SLC16A1: variants seen among roughly 807,000 people sequenced by gnomAD.
SLC16A1 encodes solute carrier family 16 member 1.
In SLC16A1, 11 loss-of-function variants were observed where a neutral mutation model predicts 32.2. The observed-to-expected ratio is 0.34, with a 90% CI of 0.21 to 0.56. The LOEUF is 0.56. Ranked by LOEUF, SLC16A1 falls within the 20% of genes least tolerant of loss-of-function variation. The probability of loss-of-function intolerance (pLI) is 0.87; values close to 1 mark genes in which losing one functional copy is unlikely to be tolerated. For synonymous variants in SLC16A1, 231 were observed against 226.8 expected (o/e 1.02, Z -0.17); for missense variants, 435 against 615.0 (o/e 0.71, Z 3.10).
intron 1 of SLC16A1, among the ~76,000 whole-genome samples, chr1:112,953,256 G>A (rs1297047670): frequency 6.6e-6 from 1 of 150,644 alleles, no homozygotes; most frequent in South Asian, 2.1e-4. Flanking sequence ...CCACCTCCTG[G>A]GTTCAAGCTG....
Position 112,914,097 on chromosome 1 carries a change from A to C in SLC16A1, c.1297T>G (p.Ser433Ala), listed in dbSNP as rs2101618203. 1.2e-6 allele frequency: 2 copies of C among 1,614,230 alleles called. No individual in the cohort carries two copies. The highest frequency in any genetic ancestry group is 4.5e-5 in the East Asian group (2 of 44,886). ...YWACGVVLII[S>A]GIYLFIGMGI... The stretch of plus-strand genomic sequence containing the variant: ...ATGCCAATGAAGAGATAGATACCTG[A>C]AATAATTAGGACGACGCCACATGCC... The change falls in exon 5 of 5, where the codon TCA (serine) becomes GCA (alanine). Residue 433 changes from serine (S) to alanine (A), a missense_variant. Around this residue, in one of 2 missense-constraint regions of SLC16A1, gnomAD observed 111 missense variants for 114.7 expected, o/e 0.97. Transcript: ENST00000369626.
At chr1:112,923,033 C>T (rs1352914181) in intron 2 of SLC16A1, among the ~76,000 whole-genome samples, 1 of 151,910 alleles carries the variant, frequency 6.6e-6, no homozygotes, top group Non-Finnish European at 1.5e-5. Flanking sequence ...GCCTCAGCCT[C>T]CTGAAAGACA....
intron 1 of SLC16A1, among the ~76,000 whole-genome samples, chr1:112,930,613 T>C (rs1649094340): frequency 6.6e-6 from 1 of 151,992 alleles, no homozygotes; most frequent in Non-Finnish European, 1.5e-5. Context: ...TCCCTTTCAA[T>C]AAATCAGTTA....
At chr1:112,955,722 T>A (rs570409110) in intron 1 of SLC16A1, 1 of 152,216 alleles carries the variant, frequency 6.6e-6, no homozygotes, top group Non-Finnish European at 1.5e-5. Context: ...ATTGAAGACT[T>A]AGGGGGGAAG....
At chr1:112,949,663 C>G (rs745872801) in intron 1 of SLC16A1, among the ~76,000 whole-genome samples, 1 of 151,856 alleles carries the variant, frequency 6.6e-6, no homozygotes, top group Non-Finnish European at 1.5e-5. Context: ...CTTATGGAAC[C>G]CTTGTCAGAA....
chr1:112,952,068 C>T (rs560757751), intron 1 of SLC16A1, among the ~76,000 whole-genome samples: 3 of 152,276 alleles, frequency 2.0e-5, no homozygotes, highest in East Asian at 3.9e-4. Context: ...GTCCTCTCCC[C>T]CAACACTCCC....
chr1:112,945,816 A>G (rs1041675394), intron 1 of SLC16A1, among the ~76,000 whole-genome samples: 1 of 151,572 alleles, frequency 6.6e-6, no homozygotes, highest in Non-Finnish European at 1.5e-5. Flanking sequence ...AACATGGAGA[A>G]ACCCCATCTC....
At chr1:112,946,890 C>G (rs1253240406) in intron 1 of SLC16A1, among the ~76,000 whole-genome samples, 2 of 152,140 alleles carry the variant, frequency 1.3e-5, no homozygotes. Context: ...ATCTTGTTTT[C>G]TGAGCTATTA....
chr1:112,921,515 T>A (rs951907674), intron 3 of SLC16A1, among the ~76,000 whole-genome samples: 2 of 151,648 alleles, frequency 1.3e-5, no homozygotes, highest in African/African-American at 4.9e-5. Context: ...TGGAAGGATA[T>A]ACATAGAAAT....
chr1:112,913,903 TTCC>T lies in SLC16A1; in HGVS notation c.1488_1490del (p.Glu497del). 1 of 1,614,140 alleles carries T rather than the reference TTCC, an allele frequency of 6.2e-7. No individual in the cohort carries two copies. Among genetic ancestry groups the T allele is most frequent in the Non-Finnish European group, 8.5e-7 (1 of 1,180,000 alleles). On this transcript the variant is annotated inframe_deletion, in exon 5 of 5. Coordinates refer to ENST00000369626, the MANE Select transcript of SLC16A1 (RefSeq NM_003051.4). ...CAGCCCCATGGATTCAGACTGGACT[TTCC>T]TCCTCCTTGGGCCCTCCATCTGTGT...
At chr1:112,952,437 G>A (rs895919027) in intron 1 of SLC16A1, among the ~76,000 whole-genome samples, 2 of 152,126 alleles carry the variant, frequency 1.3e-5, no homozygotes, top group Admixed American at 1.3e-4. Flanking sequence ...AATGTAATAT[G>A]TTACCTTGTT....
chr1:112,923,420 A>G (rs2101627760), intron 2 of SLC16A1: 4 of 664,788 alleles, frequency 6.0e-6, no homozygotes, highest in South Asian at 4.8e-5. Flanking sequence ...TGTTGCCGCC[A>G]TCATGTCCCG....
intron 3 of SLC16A1, 56 bp from the exon 4 acceptor site, chr1:112,918,100 A>G (rs140544033): frequency 6.5e-5 from 58 of 892,700 alleles, no homozygotes; most frequent in Middle Eastern, 8.6e-4. Context: ...AAATAAATAA[A>G]TAATAAGAGG....
At chr1:112,918,119 A>C in intron 3 of SLC16A1, 75 bp from the exon 4 acceptor site, 7 of 1,067,630 alleles carry the variant, frequency 6.6e-6, no homozygotes, top group Middle Eastern at 3.6e-4. Flanking sequence ...GGTATAAATA[A>C]TGGAAGGAAT....
intron 1 of SLC16A1, among the ~76,000 whole-genome samples, chr1:112,941,469 G>C (rs1649511573): frequency 6.6e-6 from 1 of 152,098 alleles, no homozygotes; most frequent in Non-Finnish European, 1.5e-5. Context: ...TTTTAGTAGA[G>C]ACGGGGTTTC....
intron 1 of SLC16A1, among the ~76,000 whole-genome samples, chr1:112,940,158 C>T (rs968322761): frequency 2.0e-5 from 3 of 150,318 alleles, no homozygotes; most frequent in Admixed American, 6.7e-5. Context: ...CCACCTTAGT[C>T]TCACGAGTAG....
chr1:112,926,307 G>A (rs1019005148), intron 2 of SLC16A1, among the ~76,000 whole-genome samples: 6 of 152,184 alleles, frequency 3.9e-5, no homozygotes, highest in East Asian at 1.9e-4. Flanking sequence ...AGAACTGGCC[G>A]TTGCCAGGCG....
intron 1 of SLC16A1, among the ~76,000 whole-genome samples, chr1:112,932,730 G>T (rs1029470766): frequency 7.1e-6 from 1 of 140,908 alleles, no homozygotes; most frequent in Non-Finnish European, 1.5e-5. Flanking sequence ...GGAGGCAGAG[G>T]TTGCAGTGAG....
At chr1:112,935,765 A>G (rs1338646521) in intron 1 of SLC16A1, 1 of 152,240 alleles carries the variant, frequency 6.6e-6, no homozygotes, top group Non-Finnish European at 1.5e-5. Context: ...CAGATGACTC[A>G]GCTAACAAAT....
Sources: gnomAD v4.1 joint callset for allele counts (sites outside exome capture counted in the v4.1 genomes callset) on GRCh38, gnomAD v4.1.1 for gene constraint, gnomAD v4.1.1 regional missense constraint, MANE v1.5 for transcripts, NCBI Gene and HGNC (gene_info 2026-07-23, HGNC 2026-07-21) for gene names.